Variants in VWA8 observed in about 807,000 individuals in gnomAD.
VWA8 encodes the protein von Willebrand factor A domain-containing protein 8.
In VWA8, 221 loss-of-function variants were observed where a neutral mutation model predicts 241.5. That is an observed-to-expected ratio of 0.91 (90% CI 0.82 to 1.02). The LOEUF (loss-of-function observed/expected upper bound fraction) is 1.02, where lower values mean the gene tolerates loss of function less well. VWA8 is among the 50% of genes least tolerant of loss of function. The pLI, the probability that VWA8 is intolerant of heterozygous loss-of-function variation, is 0.00. For synonymous variants in VWA8, 852 were observed against 827.1 expected (o/e 1.03, Z -0.52); for missense variants, 2,322 against 2,328.7 (o/e 1.00, Z 0.06).
At position 41,916,107 on chromosome 13, in the gene VWA8, T is replaced by A. The variant is rs111501911; in HGVS notation, c.242-3939A>T. Among the ~76,000 whole-genome samples the A allele has an allele frequency of 3.7e-3, 566 of 152,356 alleles. 3 individuals carry two copies. The highest frequency in any genetic ancestry group is 0.013 in the African/African-American group (539 of 41,576). On this transcript the variant is annotated intron_variant, in intron 2 of 44. Transcript: ENST00000379310. ...TCTCTGCTCAGTTTCCTCATCTGTATAATAGATACAATTGTACTTACTTAT... is the reference window on the plus strand; with the variant it reads ...TCTCTGCTCAGTTTCCTCATCTGTAAAATAGATACAATTGTACTTACTTAT...
intron 37 of VWA8, among the ~76,000 whole-genome samples, chr13:41,630,598 T>G (rs1160634801): frequency 6.6e-6 from 1 of 152,122 alleles, no homozygotes; most frequent in African/African-American, 2.4e-5. Flanking sequence ...TTATTATTTT[T>G]CTGAGTTTAC....
intron 12 of VWA8, among the ~76,000 whole-genome samples, chr13:41,838,984 T>C (rs1310771638): frequency 6.6e-6 from 1 of 152,220 alleles, no homozygotes; most frequent in East Asian, 1.9e-4. Flanking sequence ...TATAGTAGAA[T>C]GATTTATAAT....
At chr13:41,647,797 T>C (rs987041132) in intron 37 of VWA8, among the ~76,000 whole-genome samples, 2 of 151,844 alleles carry the variant, frequency 1.3e-5, no homozygotes, top group African/African-American at 2.4e-5. Flanking sequence ...TGAGACCAGA[T>C]TGGCCAATAT....
Position 41,567,970 on chromosome 13 carries a change from C to A in VWA8, c.*227G>T. 2.2e-6 allele frequency: 1 copy of A among 447,176 alleles called. No homozygotes were observed. The highest frequency in any genetic ancestry group is 3.9e-6 in the Non-Finnish European group (1 of 253,716). 27.7% of individuals were successfully genotyped at this position (447,176 alleles called of 1,614,324 possible). A position where few individuals can be genotyped will look rare whatever the true frequency, so the allele number is the denominator to read the frequency against. ...ATAAAGTGCAGGTCAACTAGCTTGC[C>A]CTAATCACTTCTAAACTCATCAGTG... On this transcript the variant is annotated 3_prime_UTR_variant, in exon 45 of 45. Transcript: ENST00000379310.
intron 19 of VWA8, among the ~76,000 whole-genome samples, chr13:41,781,963 C>T (rs1042623154): frequency 4.6e-5 from 7 of 152,088 alleles, no homozygotes; most frequent in African/African-American, 1.7e-4. Flanking sequence ...TACAGAAGCA[C>T]CTAAATCTGC....
At chr13:41,914,608 A>G (rs1025182203) in intron 2 of VWA8, among the ~76,000 whole-genome samples, 2 of 152,196 alleles carry the variant, frequency 1.3e-5, no homozygotes, top group Non-Finnish European at 2.9e-5. Flanking sequence ...TATGCTGTAA[A>G]TCTATTACCT....
At chr13:41,660,121 T>C (rs2044939071) in intron 37 of VWA8, among the ~76,000 whole-genome samples, 1 of 152,166 alleles carries the variant, frequency 6.6e-6, no homozygotes, top group Non-Finnish European at 1.5e-5. Context: ...CTCTTTTTTT[T>C]TTCTTTTTTT....
chr13:41,591,608 C>T (rs1284037593), intron 40 of VWA8, among the ~76,000 whole-genome samples: 3 of 151,688 alleles, frequency 2.0e-5, no homozygotes, highest in African/African-American at 4.8e-5. Flanking sequence ...TGAACTTAAA[C>T]AAATTTACAA....
At chr13:41,945,141 A>G (rs1331959058) in intron 2 of VWA8, among the ~76,000 whole-genome samples, 1 of 152,218 alleles carries the variant, frequency 6.6e-6, no homozygotes, top group African/African-American at 2.4e-5. Context: ...CAACTTGCAC[A>G]CACAGACTCT....
At chr13:41,861,183 C>G (rs893635881) in intron 12 of VWA8, among the ~76,000 whole-genome samples, 1 of 151,914 alleles carries the variant, frequency 6.6e-6, no homozygotes, top group African/African-American at 2.4e-5. Context: ...TGCACTACAG[C>G]CCGGGTGACA....
At chr13:41,729,125 G>A (rs2045460434) in intron 23 of VWA8, among the ~76,000 whole-genome samples, 1 of 151,890 alleles carries the variant, frequency 6.6e-6, no homozygotes, top group African/African-American at 2.4e-5. Context: ...AGGAGTGTGT[G>A]TGTAATATAC....
intron 37 of VWA8, among the ~76,000 whole-genome samples, chr13:41,634,192 G>C (rs1481197611): frequency 2.0e-5 from 3 of 152,284 alleles, no homozygotes; most frequent in South Asian, 4.1e-4. Flanking sequence ...CCAGGGTCTT[G>C]GGCTGAGCTA....
chr13:41,631,354 T>A (rs1282636852), intron 37 of VWA8, among the ~76,000 whole-genome samples: 1 of 152,072 alleles, frequency 6.6e-6, no homozygotes, highest in Non-Finnish European at 1.5e-5. Context: ...CAGGAAACCC[T>A]GTTAGCTCCG....
At chr13:41,726,761 G>A (rs1183673867) in intron 24 of VWA8, among the ~76,000 whole-genome samples, 1 of 152,096 alleles carries the variant, frequency 6.6e-6, no homozygotes, top group Non-Finnish European at 1.5e-5. Context: ...TTGGGAAGCC[G>A]AGGCAGGTGG....
chr13:41,844,418 T>C (rs1872194398), intron 12 of VWA8, among the ~76,000 whole-genome samples: 1 of 152,126 alleles, frequency 6.6e-6, no homozygotes, highest in Non-Finnish European at 1.5e-5. Flanking sequence ...AGCATTCCCC[T>C]TAACAACTGA....
chr13:41,895,474 A>G (rs79898217), intron 4 of VWA8, among the ~76,000 whole-genome samples: 1,722 of 152,286 alleles, frequency 0.011, 16 homozygotes, highest in Middle Eastern at 0.048. Context: ...CACACAAAAC[A>G]TCTCTACACA....
intron 22 of VWA8, among the ~76,000 whole-genome samples, chr13:41,731,782 A>G (rs544707520): frequency 3.8e-4 from 58 of 152,236 alleles, no homozygotes; most frequent in African/African-American, 8.9e-4. Context: ...TAAGTCTCAC[A>G]AGATCTGATG....
At chr13:41,844,363 T>A (rs1421414785) in intron 12 of VWA8, among the ~76,000 whole-genome samples, 1 of 152,124 alleles carries the variant, frequency 6.6e-6, no homozygotes, top group Non-Finnish European at 1.5e-5. Context: ...GAGCCAGCTA[T>A]GACAAACCCA....
chr13:41,901,889 A>AAAAAATAT (rs1566500253), intron 4 of VWA8, among the ~76,000 whole-genome samples: 2 of 83,328 alleles, frequency 2.4e-5, no homozygotes, highest in Admixed American at 1.7e-4. Context: ...AAAAAAAAAA[A>AAAAAATAT]ATATATATAT....
Sources: allele counts gnomAD v4.1 joint callset (sites outside exome capture counted in the v4.1 genomes callset), GRCh38; gene constraint gnomAD v4.1.1; transcripts MANE v1.5; gene names NCBI Gene and HGNC (gene_info 2026-07-23, HGNC 2026-07-21).